ZKSCAN5: variants seen among roughly 807,000 people sequenced by gnomAD.
ZKSCAN5 encodes the protein zinc finger protein with KRAB and SCAN domains 5.
ZKSCAN5 carries 28 observed loss-of-function variants against 60.0 expected under a neutral mutation model. That is an observed-to-expected ratio of 0.47 (90% CI 0.35 to 0.64). The LOEUF (loss-of-function observed/expected upper bound fraction) is 0.64, where lower values mean the gene tolerates loss of function less well. Among genes scored for constraint, ZKSCAN5 ranks in the 30% least tolerant of loss-of-function variants. The probability of loss-of-function intolerance (pLI) is 0.01; values close to 1 mark genes in which losing one functional copy is unlikely to be tolerated. For synonymous variants in ZKSCAN5, 361 were observed against 371.2 expected, an observed-to-expected ratio of 0.97 and a Z score of 0.31; for missense variants, 881 against 1,034.6, an observed-to-expected ratio of 0.85 and a Z score of 2.04.
chr7:99,528,365 T>A (rs918782804), intron 6 of ZKSCAN5, among the ~76,000 whole-genome samples: 2 of 152,178 alleles, frequency 1.3e-5, no homozygotes, highest in African/African-American at 2.4e-5. Flanking sequence ...TCCCTGCAAT[T>A]GTTTCTATGG....
At chr7:99,514,288 C>G (rs1450827063) in intron 3 of ZKSCAN5, among the ~76,000 whole-genome samples, 1 of 152,104 alleles carries the variant, frequency 6.6e-6, no homozygotes, top group Non-Finnish European at 1.5e-5. Context: ...GAAACTCATT[C>G]TAGAATCTCT....
chr7:99,511,508 T>C (rs2151097436), intron 2 of ZKSCAN5, among the ~76,000 whole-genome samples: 1 of 151,312 alleles, frequency 6.6e-6, no homozygotes. Context: ...CAGTGGTGTG[T>C]CATAGCTCAC....
intron 2 of ZKSCAN5, among the ~76,000 whole-genome samples, chr7:99,507,566 T>G (rs779950914): frequency 6.7e-6 from 1 of 149,150 alleles, no homozygotes; most frequent in Non-Finnish European, 1.5e-5. Flanking sequence ...TATATATGTG[T>G]ATATATATGT....
Position 99,532,095 on chromosome 7 carries a change from A to T in ZKSCAN5, c.2366A>T (p.Asn789Ile). ...GRGFTLKSHL[N>I]QHQRIHTGEK... ...GGCTTCACTCTGAAGTCACATCTTA[A>T]TCAACATCAGAGAATCCATACTGGT... Residue 789 changes from asparagine (N) to isoleucine (I), a missense_variant, in exon 7 of 7, where the codon AAT (asparagine) becomes ATT (isoleucine). Asn to Ile is a moderately radical substitution (Grantham distance 149, BLOSUM62 -3). Transcript: ENST00000326775. 6.2e-7 allele frequency: 1 copy of T among 1,614,206 alleles called. No homozygotes were observed. Among genetic ancestry groups the T allele is most frequent in the Non-Finnish European group, 8.5e-7 (1 of 1,180,040 alleles).
chr7:99,516,437 C>T (rs1185674792), intron 3 of ZKSCAN5, among the ~76,000 whole-genome samples: 1 of 152,150 alleles, frequency 6.6e-6, no homozygotes, highest in East Asian at 1.9e-4. Context: ...CATCTGTAAC[C>T]ATTGTCCCGT....
At chr7:99,520,448 G>T in intron 5 of ZKSCAN5, 144 bp downstream of exon 5, 1 of 935,000 alleles carries the variant, frequency 1.1e-6, no homozygotes, top group Non-Finnish European at 1.5e-6. Context: ...GAATAAATCA[G>T]CCTTCATTTT....
intron 2 of ZKSCAN5, among the ~76,000 whole-genome samples, chr7:99,509,705 A>G (rs1209107709): frequency 2.6e-5 from 4 of 151,962 alleles, no homozygotes; most frequent in African/African-American, 7.3e-5. Flanking sequence ...TGACTTCGTG[A>G]TCTGCCCACC....
rs1168201552 is a variant in ZKSCAN5, at chr7:99,506,414, G to A, written c.370G>A (p.Val124Met). 3 of 1,613,952 alleles carry A rather than the reference G, an allele frequency of 1.9e-6. No individual in the cohort carries two copies. Among genetic ancestry groups the A allele is most frequent in the South Asian group, 1.1e-5 (1 of 91,072 alleles). Reference sequence around the variant, plus strand: ...TGAAAGTGGAGAAGAGGCGGTGGCCGTGATAGAAAATATACAGCGAGAACT... The same window carrying A: ...TGAAAGTGGAGAAGAGGCGGTGGCCATGATAGAAAATATACAGCGAGAACT... The part of the protein sequence containing the change: ...HPESGEEAVA[V>M]IENIQRELEE... The change falls in exon 2 of 7, where the codon GTG becomes ATG. Residue 124 changes from valine (V) to methionine (M), a missense_variant. Physicochemically the swap from Val to Met is conservative, Grantham distance 21. Coordinates refer to ENST00000326775, the MANE Select transcript of ZKSCAN5 (RefSeq NM_145102.4).
chr7:99,520,676 A>AT (rs1219801752), intron 5 of ZKSCAN5, among the ~76,000 whole-genome samples: 1 of 152,042 alleles, frequency 6.6e-6, no homozygotes. Flanking sequence ...ACTTTAACAA[A>AT]TTTTTGGTAG....
intron 2 of ZKSCAN5, among the ~76,000 whole-genome samples, chr7:99,511,650 C>T (rs1405112843): frequency 6.6e-6 from 1 of 151,378 alleles, no homozygotes; most frequent in African/African-American, 2.4e-5. Context: ...ACTGTGTTGC[C>T]CAGGCTTGTC....
At chr7:99,530,378 T>A (rs932146936) in intron 6 of ZKSCAN5, among the ~76,000 whole-genome samples, 16 of 152,172 alleles carry the variant, frequency 1.1e-4, no homozygotes, top group Non-Finnish European at 5.9e-5. Context: ...AGTAAGGCAG[T>A]ACCTTATTGT....
chr7:99,531,612 G>A lies in ZKSCAN5; in HGVS notation c.1883G>A (p.Ser628Asn). 1 of 1,614,216 alleles carries A rather than the reference G, an allele frequency of 6.2e-7. No homozygotes were observed. The highest frequency in any genetic ancestry group is 8.5e-7 in the Non-Finnish European group (1 of 1,180,044). ...CTTGTTCAGCATCAGAGCGTGCACA[G>A]TGGGGAGAGACCCTTCAAGTGTAAC... ...SHLVQHQSVH[S>N]GERPFKCNEC... is the part of the protein sequence containing the mutation. The change falls in exon 7 of 7, where the codon AGT becomes AAT. Residue 628 changes from serine (S) to asparagine (N), a missense_variant. Ser to Asn is a conservative substitution (Grantham distance 46, BLOSUM62 1). This residue lies in a region of ZKSCAN5 where 112 missense variants were observed against 182.4 expected (regional missense o/e 0.61). Transcript: ENST00000326775.
chr7:99,510,599 C>A (rs1800978194), intron 2 of ZKSCAN5, among the ~76,000 whole-genome samples: 1 of 151,592 alleles, frequency 6.6e-6, no homozygotes, highest in Non-Finnish European at 1.5e-5. Context: ...CATGTACCAC[C>A]ACACCAGGCT....
At chr7:99,513,481 C>A (rs1469007503) in intron 3 of ZKSCAN5, among the ~76,000 whole-genome samples, 1 of 152,118 alleles carries the variant, frequency 6.6e-6, no homozygotes, top group African/African-American at 2.4e-5. Context: ...GCAGCCTCTG[C>A]CTCCCAGGTT....
chr7:99,527,047 C>T (rs913653992), intron 6 of ZKSCAN5, among the ~76,000 whole-genome samples: 2 of 152,138 alleles, frequency 1.3e-5, no homozygotes, highest in African/African-American at 4.8e-5. Flanking sequence ...AAACAATAGC[C>T]TGGGTACAGT....
At chr7:99,523,606 AAATCAATCAATC>A in intron 5 of ZKSCAN5, among the ~76,000 whole-genome samples, 1 of 143,136 alleles carries the variant, frequency 7.0e-6, no homozygotes, top group Non-Finnish European at 1.5e-5. Context: ...ACCCAGTCTC[AAATCAATCAATC>A]AATCAATCAA....
At chr7:99,530,002 G>T (rs1801969859) in intron 6 of ZKSCAN5, among the ~76,000 whole-genome samples, 1 of 147,934 alleles carries the variant, frequency 6.8e-6, no homozygotes, top group African/African-American at 2.5e-5. Flanking sequence ...CCAAAGTTCT[G>T]GGATTACAGG....
chr7:99,506,105 G>A lies in ZKSCAN5; in HGVS notation c.61G>A (p.Glu21Lys), dbSNP rs1800712306. ...AGACCCCCCAGCTGAGACTTCCCAG[G>A]AGCAGGAAGACCTTTTCATAGTGAA... ...DLDPPAETSQ[E>K]QEDLFIVKVE... is the part of the protein sequence containing the mutation. The change falls in exon 2 of 7, where the codon GAG becomes AAG. Residue 21 changes from glutamate to lysine, a missense_variant. This residue lies in a region of ZKSCAN5 where 88 missense variants were observed against 65.2 expected (regional missense o/e 1.35). Coordinates refer to ENST00000326775, the MANE Select transcript of ZKSCAN5 (RefSeq NM_145102.4). 1 of 1,614,134 alleles carries A rather than the reference G, an allele frequency of 6.2e-7. No homozygotes were observed. The highest frequency in any genetic ancestry group is 2.2e-5 in the East Asian group (1 of 44,890).
chr7:99,517,055 C>T (rs1801297577), intron 3 of ZKSCAN5, among the ~76,000 whole-genome samples: 1 of 151,826 alleles, frequency 6.6e-6, no homozygotes, highest in Admixed American at 6.6e-5. Context: ...ATAAAAATTG[C>T]AAAAAAACCC....
Sources: gnomAD v4.1 joint callset for allele counts (sites outside exome capture counted in the v4.1 genomes callset) on GRCh38, gnomAD v4.1.1 for gene constraint, gnomAD v4.1.1 regional missense constraint, MANE v1.5 for transcripts, NCBI Gene and HGNC (gene_info 2026-07-23, HGNC 2026-07-21) for gene names.